TDP1: variants seen among roughly 807,000 people sequenced by gnomAD.
TDP1 encodes the protein tyrosyl-DNA phosphodiesterase 1, also known as tyr-DNA phosphodiesterase 1.
TDP1 carries 64 observed loss-of-function variants against 81.5 expected under a neutral mutation model. The ratio of observed to expected loss-of-function variants is 0.79; its 90% CI spans 0.64 to 0.97. TDP1 has a LOEUF of 0.97. TDP1 is among the 50% of genes least tolerant of loss of function. TDP1 has a pLI of 0.00. For missense variants in TDP1, 723 were observed against 743.8 expected, an observed-to-expected ratio of 0.97 and a Z score of 0.33; for synonymous variants, 256 against 264.3, an observed-to-expected ratio of 0.97 and a Z score of 0.30.
Position 89,966,140 on chromosome 14 carries a change from T to G in TDP1, c.560-7T>G, listed in dbSNP as rs1281391507. ...GTGTGAATTTGATATATGTTTTGTC[T>G]TCTCAGATATTTTATCTCCTTTATT... On this transcript the variant is annotated splice_region_variant and splice_polypyrimidine_tract_variant and intron_variant, in intron 3 of 16. Transcript: ENST00000335725. 2.5e-6 allele frequency: 4 copies of G among 1,586,620 alleles called. No individual in the cohort carries two copies. In the South Asian group the frequency reaches 4.4e-5, roughly 18 times the overall value.
intron 15 of TDP1, chr14:90,022,592 A>C (rs1886210557): frequency 5.4e-6 from 1 of 185,702 alleles, no homozygotes; most frequent in South Asian, 1.8e-4. Flanking sequence ...TAAGGGGTAG[A>C]TACTACCAAG....
At chr14:90,001,213 T>C (rs1362875762) in intron 14 of TDP1, among the ~76,000 whole-genome samples, 1 of 152,230 alleles carries the variant, frequency 6.6e-6, no homozygotes, top group Non-Finnish European at 1.5e-5. Flanking sequence ...TGGAATCTTA[T>C]AAAAATGCTA....
intron 16 of TDP1, among the ~76,000 whole-genome samples, chr14:90,038,755 T>G (rs992587461): frequency 6.6e-6 from 1 of 152,098 alleles, no homozygotes; most frequent in African/African-American, 2.4e-5. Flanking sequence ...GGAGAATCAC[T>G]TGAACCTGGG....
intron 16 of TDP1, among the ~76,000 whole-genome samples, chr14:90,035,616 A>G (rs1288419690): frequency 6.6e-6 from 1 of 152,122 alleles, no homozygotes; most frequent in African/African-American, 2.4e-5. Flanking sequence ...TATCTACCTT[A>G]TAGGGTTATT....
intron 15 of TDP1, among the ~76,000 whole-genome samples, chr14:90,022,287 T>C (rs1886178619): frequency 6.6e-6 from 1 of 152,182 alleles, no homozygotes; most frequent in African/African-American, 2.4e-5. Context: ...AGCCCACAGA[T>C]GGAAGGAGTT....
In TDP1 at chr14:89,984,132, A is replaced by T. The variant is rs913528469; in HGVS notation, c.885-384A>T. The T allele has an allele frequency of 2.9e-5, 29 of 985,342 alleles. No individual in the cohort carries two copies. In the African/African-American group the frequency reaches 4.9e-4, roughly 17 times the overall value. The allele number at this position is 985,342 out of a possible 1,614,324, so 61.0% of individuals were successfully genotyped here. On this transcript the variant is annotated intron_variant, in intron 8 of 16. Coordinates refer to ENST00000335725, the MANE Select transcript of TDP1 (RefSeq NM_018319.4). ...CTTGGGATTACCACTAGTAGCATGG[A>T]TTTGCTTTAACCGTTAAGAGTAGAA...
Position 89,984,654 on chromosome 14 carries a change from C to T in TDP1, c.1023C>T (p.Val341=). ...NAPSLKEWID[V]IHKHDLSETN... Reference sequence around the variant, plus strand: ...CTTCTCTCAAGGAGTGGATAGATGTCATTCACAAGCACGATCTCTCTGAAA... The same window carrying T: ...CTTCTCTCAAGGAGTGGATAGATGTTATTCACAAGCACGATCTCTCTGAAA... Residue 341 remains valine (V), a synonymous_variant, in exon 9 of 17, where the codon GTC becomes GTT. Coordinates refer to ENST00000335725, the MANE Select transcript of TDP1 (RefSeq NM_018319.4). 1 of 1,614,048 alleles carries T rather than the reference C, an allele frequency of 6.2e-7. No individual in the cohort carries two copies.
chr14:90,043,413 C>T lies in TDP1; in HGVS notation c.*270C>T, dbSNP rs1888553797. On this transcript the variant is annotated 3_prime_UTR_variant, in exon 17 of 17. Coordinates refer to ENST00000335725, the MANE Select transcript of TDP1 (RefSeq NM_018319.4). ...TTAAAAATACGTACTGCTTGAGTAT[C>T]CCCTGTCTGAAATGCTTGGGACCAG... is the stretch of plus-strand genomic sequence containing the variant. 1.9e-6 allele frequency: 1 copy of T among 538,892 alleles called. No homozygotes were observed. 33.4% of individuals were successfully genotyped at this position (538,892 alleles called of 1,614,324 possible).
intron 2 of TDP1, among the ~76,000 whole-genome samples, chr14:89,962,551 A>G (rs953666848): frequency 3.3e-5 from 5 of 152,154 alleles, no homozygotes; most frequent in Admixed American, 2.6e-4. Context: ...TTCCTAGGAC[A>G]TCTAAGAACA....
At chr14:90,042,489 C>T (rs1327317980) in intron 16 of TDP1, among the ~76,000 whole-genome samples, 2 of 152,180 alleles carry the variant, frequency 1.3e-5, no homozygotes, top group Non-Finnish European at 1.5e-5. Flanking sequence ...GTGTCTCTGC[C>T]TGCCTCCCTG....
At chr14:90,010,411 G>A (rs549217482) in intron 14 of TDP1, among the ~76,000 whole-genome samples, 2 of 152,224 alleles carry the variant, frequency 1.3e-5, no homozygotes, top group African/African-American at 4.8e-5. Flanking sequence ...AGATGTCTTT[G>A]TGTAAAATCC....
intron 5 of TDP1, among the ~76,000 whole-genome samples, chr14:89,967,954 C>CAGTG (rs61280968): frequency 0.099 from 14,984 of 152,106 alleles, 1,918 homozygotes; most frequent in African/African-American, 0.3. Context: ...GGGCATCACA[C>CAGTG]AGGTGCCACC....
intron 3 of TDP1, among the ~76,000 whole-genome samples, chr14:89,964,596 A>T (rs988339687): frequency 2.0e-5 from 3 of 152,208 alleles, no homozygotes; most frequent in African/African-American, 7.2e-5. Flanking sequence ...TATCCAGTAT[A>T]TAATTGTATA....
intron 7 of TDP1, among the ~76,000 whole-genome samples, chr14:89,977,590 A>G (rs59736885): frequency 0.097 from 14,817 of 152,272 alleles, 1,869 homozygotes; most frequent in African/African-American, 0.29. Context: ...GAGCCACCGC[A>G]CCTAGCGTAT....
Position 89,991,958 on chromosome 14 carries a change from C to T in TDP1, c.1408C>T (p.Gln470Ter). 2 of 1,612,688 alleles carry T rather than the reference C, an allele frequency of 1.2e-6. No individual in the cohort carries two copies. Among genetic ancestry groups the T allele is most frequent in the Non-Finnish European group, 1.7e-6 (2 of 1,179,582 alleles). ...LPYSIQTAEK[Q>*]NWLHSYFHKW... is the part of the protein sequence containing the mutation. Reference sequence around the variant, plus strand: ...CTATAGCATCCAGACAGCTGAAAAACAGAATTGGCTGCATTCCTATTTTCA... The same window carrying T: ...CTATAGCATCCAGACAGCTGAAAAATAGAATTGGCTGCATTCCTATTTTCA... Residue 470 changes from glutamine to a stop codon, truncating the protein, a stop_gained, in exon 13 of 17, where the codon CAG (glutamine) becomes TAG (stop). Coordinates refer to ENST00000335725, the MANE Select transcript of TDP1 (RefSeq NM_018319.4). LOFTEE classifies it high-confidence loss of function.
chr14:90,023,195 G>C (rs1383538121), intron 15 of TDP1: 10 of 675,940 alleles, frequency 1.5e-5, no homozygotes, highest in Admixed American at 6.4e-5. Context: ...TGGTCTGCCC[G>C]GGGGGCTTGG....
rs1184172301 is a variant in TDP1, at chr14:89,972,419, T to C, written c.756+1148T>C. 7.0e-4 allele frequency among the ~76,000 whole-genome samples: 106 copies of C among 152,170 alleles called. 1 individual carries two copies. Among genetic ancestry groups the C allele is most frequent in the Admixed American group, 6.9e-3 (106 of 15,274 alleles). On this transcript the variant is annotated intron_variant, in intron 6 of 16. Coordinates refer to ENST00000335725, the MANE Select transcript of TDP1 (RefSeq NM_018319.4). ...CTCCTACCAGGCCCCTCCTCCAACA[T>C]TGGGGATTATAATTTGAGATGAGAT...
chr14:90,008,716 TTTTG>T (rs1884346289), intron 14 of TDP1, among the ~76,000 whole-genome samples: 1 of 152,224 alleles, frequency 6.6e-6, no homozygotes, highest in South Asian at 2.1e-4. Flanking sequence ...CTTTGAAATC[TTTTG>T]TTTATTTTTG....
intron 14 of TDP1, among the ~76,000 whole-genome samples, chr14:90,009,040 C>T (rs909747445): frequency 3.9e-5 from 6 of 152,174 alleles, no homozygotes; most frequent in African/African-American, 1.2e-4. Context: ...ATTTTTAACT[C>T]GACATCTAAT....
Sources: gnomAD v4.1 joint callset for allele counts (sites outside exome capture counted in the v4.1 genomes callset) on GRCh38, gnomAD v4.1.1 for gene constraint, MANE v1.5 for transcripts, NCBI Gene and HGNC (gene_info 2026-07-23, HGNC 2026-07-21) for gene names.